The following SOS1 variants were observed in gnomAD, a reference collection of about 807,000 sequenced individuals.
The protein encoded by SOS1 is son of sevenless homolog 1.
SOS1 carries 25 observed loss-of-function variants against 157.6 expected under a neutral mutation model. The ratio of observed to expected loss-of-function variants is 0.16; its 90% confidence interval spans 0.12 to 0.22. The LOEUF (loss-of-function observed/expected upper bound fraction) is 0.22. SOS1 is among the 10% of genes least tolerant of loss of function. The probability of loss-of-function intolerance (pLI) is 1.00; values close to 1 mark genes in which losing one functional copy is unlikely to be tolerated. For synonymous variants in SOS1, 528 were observed against 534.0 expected (o/e 0.99, Z 0.16); for missense variants, 1,237 against 1,599.1 (o/e 0.77, Z 3.86).
chr2:39,054,684 C>T lies in SOS1; in HGVS notation c.650G>A (p.Arg217Lys). Reference sequence around the variant, plus strand: ...AACTTTTATAATTAGATTTAGTTCCCTTATATATTGTCGAATTTCTGCCAT... The same window carrying T: ...AACTTTTATAATTAGATTTAGTTCCTTTATATATTGTCGAATTTCTGCCAT... ...AFMAEIRQYI[R>K]ELNLIIKVFR... is the part of the protein sequence containing the mutation. Residue 217 changes from arginine (R) to lysine (K), a missense_variant, in exon 5 of 23, where the codon AGG (arginine) becomes AAG (lysine). This residue lies in a region of SOS1 where 108 missense variants were observed against 115.3 expected (regional missense o/e 0.94). Coordinates refer to ENST00000402219, the MANE Select transcript of SOS1 (RefSeq NM_005633.4). The T allele has an allele frequency of 6.2e-7, 1 of 1,600,696 alleles. No individual in the cohort carries two copies. The highest frequency in any genetic ancestry group is 8.6e-7 in the Non-Finnish European group (1 of 1,168,022).
chr2:39,025,723 T>A (rs926500849), intron 8 of SOS1, among the ~76,000 whole-genome samples: 13 of 152,286 alleles, frequency 8.5e-5, no homozygotes, highest in Non-Finnish European at 1.6e-4. Flanking sequence ...GGATTTTGTG[T>A]TTTTCACAGG....
chr2:39,026,848 C>T (rs746786950), intron 8 of SOS1, among the ~76,000 whole-genome samples: 1 of 152,060 alleles, frequency 6.6e-6, no homozygotes, highest in Admixed American at 6.5e-5. Flanking sequence ...CTAACACTAA[C>T]GAGAGCTGAT....
chr2:39,058,518 C>T (rs1671292669), intron 3 of SOS1, among the ~76,000 whole-genome samples, 155 bp downstream of exon 3: 1 of 152,054 alleles, frequency 6.6e-6, no homozygotes, highest in Non-Finnish European at 1.5e-5. Context: ...ATTATCATAG[C>T]ATCCCTTCTC....
chr2:39,011,539 T>G lies in SOS1; in HGVS notation c.2390+587A>C, dbSNP rs1472390521. Among the ~76,000 whole-genome samples the G allele has an allele frequency of 2.6e-5, 4 of 152,080 alleles. No individual in the cohort carries two copies. The East Asian group carries it at 7.7e-4, about 29-fold the overall frequency. On this transcript the variant is annotated intron_variant, in intron 14 of 22. Coordinates refer to ENST00000402219, the MANE Select transcript of SOS1 (RefSeq NM_005633.4). ...CAGAAATACGATTTTCAGTGGGAGA[T>G]CTATAAATTTATCTCATTTTCTCAT... is the stretch of plus-strand genomic sequence containing the variant.
intron 17 of SOS1, among the ~76,000 whole-genome samples, chr2:38,999,833 T>C (rs946540270): frequency 6.6e-6 from 1 of 152,336 alleles, no homozygotes; most frequent in Admixed American, 6.5e-5. Context: ...AGTGTGCCTT[T>C]TGTCAAATAG....
chr2:38,987,897 TC>T (rs1255826288), intron 21 of SOS1, among the ~76,000 whole-genome samples: 1 of 152,224 alleles, frequency 6.6e-6, no homozygotes, highest in Non-Finnish European at 1.5e-5. Context: ...TTCTCAGATG[TC>T]TGGGAGACAG....
intron 20 of SOS1, among the ~76,000 whole-genome samples, chr2:38,994,805 T>C (rs1428985839): frequency 6.6e-6 from 1 of 152,198 alleles, no homozygotes; most frequent in African/African-American, 2.4e-5. Flanking sequence ...CTTGCAGATT[T>C]TAAGACTGAT....
chr2:39,094,515 G>A (rs756218684), intron 1 of SOS1, among the ~76,000 whole-genome samples: 3 of 152,026 alleles, frequency 2.0e-5, no homozygotes, highest in Non-Finnish European at 4.4e-5. Context: ...GTGTGGTGGC[G>A]AGAGCCTGTA....
rs545450151 is a variant in SOS1 at position 39,105,596 on chromosome 2, G to A, written c.87+14740C>T. Reference sequence around the variant, plus strand: ...ATACAAATAGTGCTCAACTAATTTGGTAAATAAAATCAAACCAGTGGCCAG... The same window carrying A: ...ATACAAATAGTGCTCAACTAATTTGATAAATAAAATCAAACCAGTGGCCAG... On this transcript the variant is annotated intron_variant, in intron 1 of 22. Coordinates refer to ENST00000402219, the MANE Select transcript of SOS1 (RefSeq NM_005633.4). Among the ~76,000 whole-genome samples the A allele has an allele frequency of 5.9e-5, 9 of 152,088 alleles. No homozygotes were observed. The Middle Eastern group carries it at 0.014, about 230-fold the overall frequency.
At chr2:39,056,097 C>T (rs781459107) in intron 4 of SOS1, among the ~76,000 whole-genome samples, 17 of 152,022 alleles carry the variant, frequency 1.1e-4, no homozygotes, top group Admixed American at 6.6e-5. Flanking sequence ...TAAGTAAATC[C>T]GTAACCTTAC....
At chr2:39,110,801 T>A (rs894538439) in intron 1 of SOS1, among the ~76,000 whole-genome samples, 1 of 152,214 alleles carries the variant, frequency 6.6e-6, no homozygotes, top group African/African-American at 2.4e-5. Context: ...TTTGACTCCA[T>A]CAGTATTAAA....
chr2:39,054,631 T>C lies in SOS1; in HGVS notation c.703A>G (p.Lys235Glu). The change falls in exon 5 of 23, where the codon AAA becomes GAA. Residue 235 changes from lysine to glutamate, a missense_variant. Lys to Glu is a moderately conservative substitution (Grantham distance 56). Around this residue, in one of 15 missense-constraint regions of SOS1, gnomAD observed 108 missense variants for 115.3 expected, o/e 0.94. Transcript: ENST00000402219. Reference sequence around the variant, plus strand: ...ATACTTACATTAGCTGAAAACAATTTTGAATTGGAGACAAAGGGCTCTCTA... The same window carrying C: ...ATACTTACATTAGCTGAAAACAATTCTGAATTGGAGACAAAGGGCTCTCTA... ...VFREPFVSNS[K>E]LFSANDVENI... 6.4e-7 allele frequency: 1 copy of C among 1,569,186 alleles called. No homozygotes were observed. Among genetic ancestry groups the C allele is most frequent in the Non-Finnish European group, 8.8e-7 (1 of 1,139,752 alleles).
intron 17 of SOS1, among the ~76,000 whole-genome samples, chr2:38,998,171 A>G (rs1054454815): frequency 2.0e-5 from 3 of 152,058 alleles, no homozygotes; most frequent in African/African-American, 7.2e-5. Flanking sequence ...AATAACAGGC[A>G]CTTTCTATTC....
At chr2:39,047,695 C>T (rs1285777581) in intron 6 of SOS1, among the ~76,000 whole-genome samples, 1 of 152,142 alleles carries the variant, frequency 6.6e-6, no homozygotes, top group Non-Finnish European at 1.5e-5. Context: ...CTTTTCCAGA[C>T]AGTCTCGCTC....
At chr2:39,002,537 A>G (rs554401831) in intron 17 of SOS1, among the ~76,000 whole-genome samples, 1 of 152,162 alleles carries the variant, frequency 6.6e-6, no homozygotes, top group Non-Finnish European at 1.5e-5. Flanking sequence ...ACTATAAGCT[A>G]GGTGAGCAGA....
chr2:38,995,414 T>C (rs1312752961), intron 19 of SOS1, 27 bp from the exon 20 acceptor site: 3 of 1,590,766 alleles, frequency 1.9e-6, no homozygotes, highest in Non-Finnish European at 2.6e-6. Flanking sequence ...AGAAACACAA[T>C]ACTTTAAACA....
chr2:39,085,898 C>T (rs551420210), intron 1 of SOS1, among the ~76,000 whole-genome samples: 2 of 152,280 alleles, frequency 1.3e-5, no homozygotes, highest in Admixed American at 1.3e-4. Flanking sequence ...AGACATTAAA[C>T]AAATAATTTA....
At chr2:38,992,036 A>T (rs1668750309) in intron 20 of SOS1, among the ~76,000 whole-genome samples, 1 of 152,224 alleles carries the variant, frequency 6.6e-6, no homozygotes, top group South Asian at 2.1e-4. Context: ...TTTGAGTGGA[A>T]TATGTTGGGA....
intron 1 of SOS1, among the ~76,000 whole-genome samples, chr2:39,090,968 A>G (rs1672571620): frequency 6.6e-6 from 1 of 152,130 alleles, no homozygotes; most frequent in Non-Finnish European, 1.5e-5. Context: ...TCCTGGGTTC[A>G]AGCGATTCTC....
Sources: allele counts gnomAD v4.1 joint callset (sites outside exome capture counted in the v4.1 genomes callset), GRCh38; gene constraint gnomAD v4.1.1; regional missense constraint gnomAD v4.1.1; transcripts MANE v1.5; gene names NCBI Gene and HGNC (gene_info 2026-07-23, HGNC 2026-07-21).